Variants in KCNG4 observed in about 807,000 individuals in gnomAD.
KCNG4 encodes the protein voltage-gated potassium channel regulatory subunit KCNG4.
KCNG4 carries 30 observed loss-of-function variants against 28.2 expected under a neutral mutation model. The ratio of observed to expected loss-of-function variants is 1.06; its 90% CI spans 0.80 to 1.44. The LOEUF (loss-of-function observed/expected upper bound fraction) is 1.44, where lower values mean the gene tolerates loss of function less well. KCNG4 is among the 40% of genes most tolerant of loss of function. The pLI, the probability that KCNG4 is intolerant of heterozygous loss-of-function variation, is 0.00. For missense variants in KCNG4, 879 were observed against 712.3 expected (o/e 1.23, Z -2.66); for synonymous variants, 375 against 315.5 (o/e 1.19, Z -2.00).
rs777821730 is a variant in KCNG4, at chr16:84,237,362, G to A, written c.124C>T (p.Arg42Trp). The change falls in exon 2 of 3, where the codon CGG (arginine) becomes TGG (tryptophan). Residue 42 changes from arginine (R) to tryptophan (W), a missense_variant. Transcript: ENST00000308251. ...AGGGCACCCACCTTCCGCACCCTCCGGTAGTAAAGGCCCTTGATGGACGGC... is the reference window on the plus strand; with the variant it reads ...AGGGCACCCACCTTCCGCACCCTCCAGTAGTAAAGGCCCTTGATGGACGGC... ...ETPSIKGLYY[R>W]RVRKVGALDA... 6.2e-5 allele frequency: 97 copies of A among 1,553,488 alleles called. No individual in the cohort carries two copies. Among genetic ancestry groups the A allele is most frequent in the Admixed American group, 3.9e-5 (2 of 51,294 alleles).
intron 2 of KCNG4, among the ~76,000 whole-genome samples, chr16:84,234,116 C>G (rs921900927): frequency 1.3e-5 from 2 of 152,196 alleles, no homozygotes; most frequent in African/African-American, 4.8e-5. Context: ...TCCGGTGCCC[C>G]TTAGAAGAGC....
chr16:84,230,136 G>A (rs1597618715), intron 2 of KCNG4, among the ~76,000 whole-genome samples: 1 of 152,304 alleles, frequency 6.6e-6, no homozygotes, highest in Admixed American at 6.5e-5. Flanking sequence ...CAGGCATAGT[G>A]GCTCAGGCCT....
chr16:84,236,801 G>A lies in KCNG4; in HGVS notation c.685C>T (p.Leu229Phe). 1 of 1,613,814 alleles carries A rather than the reference G, an allele frequency of 6.2e-7. No individual in the cohort carries two copies. The highest frequency in any genetic ancestry group is 1.7e-5 in the Admixed American group (1 of 60,032). Residue 229 changes from leucine (L) to phenylalanine (F), a missense_variant, in exon 2 of 3, where the codon CTC becomes TTC. Physicochemically the swap from Leu to Phe is conservative, Grantham distance 22 (BLOSUM62 0). Transcript: ENST00000308251. Reference sequence around the variant, plus strand: ...CTGACGGCTGTGGTGGCCACGAAGAGGATGGAGAGGCAAGCGAAGACCTTC... The same window carrying A: ...CTGACGGCTGTGGTGGCCACGAAGAAGATGGAGAGGCAAGCGAAGACCTTC... ...PGKVFACLSI[L>F]FVATTAVSLC...
intron 2 of KCNG4, among the ~76,000 whole-genome samples, chr16:84,230,714 C>T (rs944392019): frequency 2.6e-5 from 4 of 152,236 alleles, no homozygotes; most frequent in African/African-American, 9.6e-5. Flanking sequence ...CTAAGCCCAC[C>T]ATGGTTCTGC....
At chr16:84,224,205 G>T (rs2042408) in intron 2 of KCNG4, among the ~76,000 whole-genome samples, 19,174 of 152,032 alleles carry the variant, frequency 0.13, 1,299 homozygotes, top group South Asian at 0.18. Context: ...GACAGGCACT[G>T]TTCTAGTGTG....
intron 2 of KCNG4, 191 bp downstream of exon 2, chr16:84,236,539 A>AT (rs1904953511): frequency 1.0e-4 from 82 of 806,752 alleles, no homozygotes; most frequent in Middle Eastern, 3.8e-4. Flanking sequence ...CAGGACTCCA[A>AT]TAAAAAAAAA....
In KCNG4 at chr16:84,231,895, G is replaced by A. The variant is rs187373; in HGVS notation, c.756+4835C>T. On this transcript the variant is annotated intron_variant, in intron 2 of 2. Transcript: ENST00000308251. Reference sequence around the variant, plus strand: ...GTTGGGTGCCTATAATCCCAGCTACGTGGGAGGCTGAGGCAGGAGAATTGT... The same window carrying A: ...GTTGGGTGCCTATAATCCCAGCTACATGGGAGGCTGAGGCAGGAGAATTGT... 4.7e-3 allele frequency among the ~76,000 whole-genome samples: 719 copies of A among 151,746 alleles called. 5 individuals are homozygous for A. The highest frequency in any genetic ancestry group is 0.016 in the African/African-American group (673 of 41,354).
Position 84,219,144 on chromosome 16 carries a change from G to A in KCNG4, c.*3073C>T, listed in dbSNP as rs781339285. On this transcript the variant is annotated 3_prime_UTR_variant, in exon 3 of 3. Transcript: ENST00000308251. The stretch of plus-strand genomic sequence containing the variant: ...TGGGGATTTGCACATTCTTTTCAGT[G>A]TCATTAATTGCAAATGTTTTGCCCC... 2 of 152,264 alleles carry A rather than the reference G, an allele frequency of 1.3e-5. No homozygotes were observed. The highest frequency in any genetic ancestry group is 6.5e-5 in the Admixed American group (1 of 15,284). The allele number at this position is 152,264 out of a possible 1,614,324, so 9.4% of individuals were successfully genotyped here.
chr16:84,232,848 G>A (rs545440765), intron 2 of KCNG4, among the ~76,000 whole-genome samples: 21 of 141,924 alleles, frequency 1.5e-4, no homozygotes, highest in South Asian at 1.1e-3. Context: ...GCAGTGAGCT[G>A]AGATTGTGCC....
Position 84,221,982 on chromosome 16 carries a change from A to C in KCNG4, c.*235T>G, listed in dbSNP as rs1296516744. On this transcript the variant is annotated 3_prime_UTR_variant, in exon 3 of 3. Transcript: ENST00000308251. ...TCCAGCAAGATTGGACATGCTCAGT[A>C]GATGGGCAGAGAGAGGAAAAGGCAA... 4 of 557,778 alleles carry C rather than the reference A, an allele frequency of 7.2e-6. No individual in the cohort carries two copies. Among genetic ancestry groups the C allele is most frequent in the Non-Finnish European group, 1.3e-5 (4 of 313,100 alleles). 34.6% of individuals were successfully genotyped at this position (557,778 alleles called of 1,614,324 possible). A position where few individuals can be genotyped will look rare whatever the true frequency, so the allele number is the denominator to read the frequency against.
chr16:84,237,192 C>T lies in KCNG4; in HGVS notation c.294G>A (p.Val98=), dbSNP rs1237622668. The change falls in exon 2 of 3, where the codon GTG becomes GTA. Residue 98 remains valine (V), a synonymous_variant. Transcript: ENST00000308251. ...LRLCRSYEEI[V]QLCDDYDEDS... ...CCTCGTCGTAATCATCGCAGAGCTG[C>T]ACGATCTCCTCGTAGCTCCGACAGA... is the stretch of plus-strand genomic sequence containing the variant. The T allele has an allele frequency of 2.5e-6, 4 of 1,614,038 alleles. No individual in the cohort carries two copies. Among genetic ancestry groups the T allele is most frequent in the Non-Finnish European group, 3.4e-6 (4 of 1,180,034 alleles).
Position 84,237,418 on chromosome 16 carries a change from C to A in KCNG4, c.68G>T (p.Trp23Leu). 1 of 1,518,614 alleles carries A rather than the reference C, an allele frequency of 6.6e-7. No individual in the cohort carries two copies. Among genetic ancestry groups the A allele is most frequent in the Non-Finnish European group, 8.8e-7 (1 of 1,134,786 alleles). The allele number at this position is 1,518,614 out of a possible 1,614,324, so 94.1% of individuals were successfully genotyped here. The change falls in exon 2 of 3, where the codon TGG (tryptophan) becomes TTG (leucine). Residue 23 changes from tryptophan to leucine, a missense_variant. Trp to Leu is a moderately conservative substitution (Grantham distance 61). Coordinates refer to ENST00000308251, the MANE Select transcript of KCNG4 (RefSeq NM_172347.3). Reference protein sequence around the residue: ...RHHHYGSHSPWSQLLSSPMET... With the variant: ...RHHHYGSHSPLSQLLSSPMET... Reference sequence around the variant, plus strand: ...CATGGGGCTGGACAGGAGCTGACTCCAAGGGCTGTGGGAACCATAGTGGTG... The same window carrying A: ...CATGGGGCTGGACAGGAGCTGACTCAAAGGGCTGTGGGAACCATAGTGGTG...
intron 2 of KCNG4, among the ~76,000 whole-genome samples, chr16:84,233,986 C>T (rs544987756): frequency 7.9e-5 from 12 of 152,250 alleles, no homozygotes; most frequent in Non-Finnish European, 1.0e-4. Context: ...CCCTATGCTG[C>T]CACAGGGATG....
At chr16:84,225,385 G>C (rs1904673843) in intron 2 of KCNG4, among the ~76,000 whole-genome samples, 1 of 152,198 alleles carries the variant, frequency 6.6e-6, no homozygotes, top group South Asian at 2.1e-4. Flanking sequence ...TGGTATTTCT[G>C]AAAGCTGATT....
rs1904706334 is a variant in KCNG4, at chr16:84,226,733, G to C, written c.757-3713C>G. On this transcript the variant is annotated intron_variant, in intron 2 of 2. Coordinates refer to ENST00000308251, the MANE Select transcript of KCNG4 (RefSeq NM_172347.3). This position sits in a 1 kb window ranked among gnomAD's most constrained non-coding sequence, Gnocchi z 4.1. ...GTCGCTACTAAAAATACAAAAATTA[G>C]CCAGGCATGGTGACACATGCCTGTA... is the stretch of plus-strand genomic sequence containing the variant. Among the ~76,000 whole-genome samples, 1 of 151,150 alleles carries C rather than the reference G, an allele frequency of 6.6e-6. No individual in the cohort carries two copies. Among genetic ancestry groups the C allele is most frequent in the South Asian group, 2.1e-4 (1 of 4,762 alleles).
intron 1 of KCNG4, among the ~76,000 whole-genome samples, chr16:84,238,055 A>G (rs1301645612): frequency 6.6e-6 from 1 of 152,198 alleles, no homozygotes; most frequent in Non-Finnish European, 1.5e-5. Flanking sequence ...CTTTATCTGT[A>G]TGACTGGGGC....
At chr16:84,227,857 A>G (rs138422980) in intron 2 of KCNG4, among the ~76,000 whole-genome samples, 319 of 152,294 alleles carry the variant, frequency 2.1e-3, no homozygotes, top group Middle Eastern at 0.01. Flanking sequence ...CTTATGTGAG[A>G]TGTCCAGAGC....
At chr16:84,225,607 C>T (rs191413957) in intron 2 of KCNG4, among the ~76,000 whole-genome samples, 1 of 152,332 alleles carries the variant, frequency 6.6e-6, no homozygotes, top group Admixed American at 6.5e-5. Flanking sequence ...GGGAGTTTCT[C>T]CCTAGGCTTA....
chr16:84,223,642 G>C (rs769050613), intron 2 of KCNG4, among the ~76,000 whole-genome samples: 36 of 152,256 alleles, frequency 2.4e-4, no homozygotes, highest in Non-Finnish European at 1.0e-4. Flanking sequence ...GACCCCATTT[G>C]ATGGCCCAGG....
Sources: allele counts gnomAD v4.1 joint callset (sites outside exome capture counted in the v4.1 genomes callset), GRCh38; gene constraint gnomAD v4.1.1; non-coding constraint Gnocchi (gnomAD v3.1); transcripts MANE v1.5; gene names NCBI Gene and HGNC (gene_info 2026-07-23, HGNC 2026-07-21).